The following CNOT1 variants were observed in gnomAD, a reference collection of about 807,000 sequenced individuals.
The protein encoded by CNOT1 is CCR4-associated factor 1.
Under a neutral mutation model 273.8 loss-of-function variants are expected in CNOT1, and 15 were observed. The ratio of observed to expected loss-of-function variants is 0.05; its 90% CI spans 0.04 to 0.08. CNOT1 has a LOEUF of 0.08. Among genes scored for constraint, CNOT1 ranks in the 10% least tolerant of loss-of-function variants. The pLI is 1.00. For synonymous variants in CNOT1, 1,022 were observed against 1,005.5 expected, an observed-to-expected ratio of 1.02 and a Z score of -0.31; for missense variants, 1,644 against 2,912.2, an observed-to-expected ratio of 0.56 and a Z score of 10.02.
At chr16:58,538,663 C>T in intron 36 of CNOT1, 109 bp downstream of exon 36, 1 of 1,487,988 alleles carries the variant, frequency 6.7e-7, no homozygotes, top group Middle Eastern at 1.9e-4. Context: ...GTCTAAGTGT[C>T]CGACCTACCT....
In CNOT1 at chr16:58,534,307, C is replaced by T. The variant is rs754862098; in HGVS notation, c.5735G>A (p.Arg1912His). The T allele has an allele frequency of 3.1e-6, 5 of 1,613,884 alleles. No homozygotes were observed. Among genetic ancestry groups the T allele is most frequent in the Middle Eastern group, 1.6e-4 (1 of 6,084 alleles). Residue 1912 changes from arginine to histidine, a missense_variant, in exon 40 of 49, where the codon CGT becomes CAT. Arg to His is a conservative substitution (Grantham distance 29). Transcript: ENST00000317147. ...CTEMCVEISY[R>H]AQAEQQHNPA... ...ATTGTGCTGCTGCTCAGCCTGAGCA[C>T]GGTAACTGATTTCAACACACATTTC...
At chr16:58,612,996 C>T (rs977387494) in intron 1 of CNOT1, among the ~76,000 whole-genome samples, 2 of 152,042 alleles carry the variant, frequency 1.3e-5, no homozygotes, top group Non-Finnish European at 2.9e-5. Flanking sequence ...GTTTAACTTT[C>T]AGATAGTAAG....
intron 2 of CNOT1, among the ~76,000 whole-genome samples, chr16:58,589,572 T>G (rs2041986024): frequency 2.0e-5 from 3 of 152,134 alleles, no homozygotes; most frequent in African/African-American, 7.2e-5. Context: ...GAAGAAAAAC[T>G]ACAGTAATTT....
chr16:58,542,685 C>A (rs967028018), intron 31 of CNOT1, 117 bp from the exon 32 acceptor site: 45 of 1,416,762 alleles, frequency 3.2e-5, no homozygotes, highest in Non-Finnish European at 3.9e-5. Flanking sequence ...ATTTTAAGTT[C>A]TGACTCTACT....
At chr16:58,617,130 G>C (rs1257033888) in intron 1 of CNOT1, among the ~76,000 whole-genome samples, 2 of 152,120 alleles carry the variant, frequency 1.3e-5, no homozygotes, top group African/African-American at 4.8e-5. Flanking sequence ...GGAGGCTGAG[G>C]CAGGAGGATC....
In CNOT1 at chr16:58,547,334, AC is replaced by A. The variant is rs2040289009; in HGVS notation, c.3640-39del. 6 of 1,608,506 alleles carry A rather than the reference AC, an allele frequency of 3.7e-6. No individual in the cohort carries two copies. Among genetic ancestry groups the A allele is most frequent in the Non-Finnish European group, 5.1e-6 (6 of 1,177,622 alleles). On this transcript the variant is annotated intron_variant, in intron 26 of 48. Coordinates refer to ENST00000317147, the MANE Select transcript of CNOT1 (RefSeq NM_016284.5). This position sits in a 1 kb window ranked among gnomAD's most constrained non-coding sequence, Gnocchi z 4.0. Reference sequence around the variant, plus strand: ...AAATACTTTCAAAAGCGGGGAATATACCCCCCAAAATGGTATAACAAAACCA... The same window carrying A: ...AAATACTTTCAAAAGCGGGGAATATACCCCCAAAATGGTATAACAAAACCA...
chr16:58,525,534 G>C (rs1597393997), intron 45 of CNOT1, among the ~76,000 whole-genome samples, 175 bp from the exon 46 acceptor site: 1 of 150,762 alleles, frequency 6.6e-6, no homozygotes. Context: ...AAAGGTGGTT[G>C]TATCAATAAG....
At position 58,551,593 on chromosome 16, in the gene CNOT1, A is replaced by T. The variant is rs1357858008; in HGVS notation, c.3197T>A (p.Val1066Glu). The T allele has an allele frequency of 1.2e-6, 2 of 1,613,450 alleles. No individual in the cohort carries two copies. Among genetic ancestry groups the T allele is most frequent in the Non-Finnish European group, 1.7e-6 (2 of 1,179,342 alleles). ...AAAAAAGATAGATCTACTTACTGGC[A>T]CATCTTTCTTAAAGCTGACTCCAGT... The part of the protein sequence containing the change: ...RPTGVSFKKD[V>E]PPSINTTNID... The change falls in exon 23 of 49, where the codon GTG (valine) becomes GAG (glutamate). Residue 1066 changes from valine to glutamate, a missense_variant. Around this residue, in one of 13 missense-constraint regions of CNOT1, gnomAD observed 124 missense variants for 289.3 expected, o/e 0.43. Transcript: ENST00000317147.
At chr16:58,603,677 C>T (rs1007819532) in intron 1 of CNOT1, among the ~76,000 whole-genome samples, 4 of 152,098 alleles carry the variant, frequency 2.6e-5, no homozygotes, top group Non-Finnish European at 5.9e-5. Flanking sequence ...ACACTCTCAC[C>T]TTAATGCCTC....
rs140302347 is a variant in CNOT1, at chr16:58,536,782, C to T, written c.5646+207G>A. On this transcript the variant is annotated intron_variant, in intron 39 of 48. Transcript: ENST00000317147. Reference sequence around the variant, plus strand: ...ACTGAAATGGAATATACAGAACCAACGGTGGGAGGGAATGTTGCCTTTACT... The same window carrying T: ...ACTGAAATGGAATATACAGAACCAATGGTGGGAGGGAATGTTGCCTTTACT... Among the ~76,000 whole-genome samples the T allele has an allele frequency of 2.7e-3, 411 of 152,154 alleles. 1 individual carries two copies. Among genetic ancestry groups the T allele is most frequent in the Middle Eastern group, 0.014 (4 of 294 alleles).
intron 16 of CNOT1, among the ~76,000 whole-genome samples, chr16:58,567,521 T>A (rs1456821273): frequency 1.6e-5 from 2 of 125,354 alleles, no homozygotes; most frequent in African/African-American, 3.0e-5. Flanking sequence ...ATACCTGTAA[T>A]CCCAGGTAAT....
chr16:58,555,798 T>C lies in CNOT1; in HGVS notation c.2590A>G (p.Met864Val). The stretch of plus-strand genomic sequence containing the variant: ...TAGACACTCACCTCATCAACAGACA[T>C]GGTTGGATGTGGTGGATGATTATAT... ...RIYNHPPHPT[M>V]SVDEVLEMLQ... The change falls in exon 20 of 49, where the codon ATG (methionine) becomes GTG (valine). Residue 864 changes from methionine to valine, a missense_variant. Around this residue, in one of 13 missense-constraint regions of CNOT1, gnomAD observed 74 missense variants for 184.6 expected, o/e 0.40. Coordinates refer to ENST00000317147, the MANE Select transcript of CNOT1 (RefSeq NM_016284.5). 2.5e-6 allele frequency: 4 copies of C among 1,614,048 alleles called. No homozygotes were observed. Among genetic ancestry groups the C allele is most frequent in the Non-Finnish European group, 3.4e-6 (4 of 1,180,028 alleles).
chr16:58,533,031 C>T (rs2039817631), intron 40 of CNOT1: 1 of 153,120 alleles, frequency 6.5e-6, no homozygotes, highest in African/African-American at 2.4e-5. Context: ...CGTCTAGCCA[C>T]CCACTCACAG....
intron 13 of CNOT1, 58 bp downstream of exon 13, chr16:58,578,641 C>G: frequency 1.9e-6 from 3 of 1,594,456 alleles, no homozygotes; most frequent in Non-Finnish European, 2.6e-6. Flanking sequence ...TTCCTCAACA[C>G]TCCAAAGAAG....
At position 58,585,444 on chromosome 16, in the gene CNOT1, T is replaced by C. The variant is rs2041802598; in HGVS notation, c.700A>G (p.Ile234Val). 3 of 1,613,708 alleles carry C rather than the reference T, an allele frequency of 1.9e-6. No individual in the cohort carries two copies. Among genetic ancestry groups the C allele is most frequent in the Non-Finnish European group, 2.5e-6 (3 of 1,179,946 alleles). ...APLLYPEKRD[I>V]LMDRILPDSG... ...TCAGGCAGGATCCTGTCCATTAGAATGTCCCGTTTTTCAGGGTATAAAAGT... is the reference window on the plus strand; with the variant it reads ...TCAGGCAGGATCCTGTCCATTAGAACGTCCCGTTTTTCAGGGTATAAAAGT... Residue 234 changes from isoleucine to valine, a missense_variant, in exon 8 of 49, where the codon ATT (isoleucine) becomes GTT (valine). Physicochemically the swap from Ile to Val is conservative, Grantham distance 29 (BLOSUM62 3). This residue lies in a region of CNOT1 where 706 missense variants were observed against 1,021.2 expected (regional missense o/e 0.69). Coordinates refer to ENST00000317147, the MANE Select transcript of CNOT1 (RefSeq NM_016284.5).
intron 38 of CNOT1, 44 bp downstream of exon 38, chr16:58,537,844 TAGA>T (rs1351452623): frequency 6.2e-7 from 1 of 1,607,006 alleles, no homozygotes; most frequent in African/African-American, 1.3e-5. Context: ...CTAAAGATAT[TAGA>T]AGACTACTAA....
intron 25 of CNOT1, among the ~76,000 whole-genome samples, chr16:58,548,031 C>T (rs1283712360): frequency 6.6e-6 from 1 of 152,156 alleles, no homozygotes; most frequent in Non-Finnish European, 1.5e-5. Context: ...AGAGACCTAA[C>T]TACAAAGCTA....
rs1042404772 is a variant in CNOT1 at position 58,535,986 on chromosome 16, G to A, written c.5646+1003C>T. 1.4e-4 allele frequency among the ~76,000 whole-genome samples: 21 copies of A among 152,108 alleles called. No individual in the cohort carries two copies. The East Asian group carries it at 2.7e-3, about 20-fold the overall frequency. On this transcript the variant is annotated intron_variant, in intron 39 of 48. Coordinates refer to ENST00000317147, the MANE Select transcript of CNOT1 (RefSeq NM_016284.5). ...CCTGACCTCGTGATCCGCCTGCCTC[G>A]GCCTCCCAAAGTGCTGGGATTACAG...
At chr16:58,526,598 C>T (rs1186975434) in intron 44 of CNOT1, among the ~76,000 whole-genome samples, 2 of 149,744 alleles carry the variant, frequency 1.3e-5, no homozygotes, top group East Asian at 2.0e-4. Context: ...CCGAGGTAGG[C>T]GGATCACCTG....
Sources: gnomAD v4.1 joint callset for allele counts (sites outside exome capture counted in the v4.1 genomes callset) on GRCh38, gnomAD v4.1.1 for gene constraint, gnomAD v4.1.1 regional missense constraint, Gnocchi (gnomAD v3.1) non-coding constraint, MANE v1.5 for transcripts, NCBI Gene and HGNC (gene_info 2026-07-23, HGNC 2026-07-21) for gene names.